Variants in ASIC2 observed in about 807,000 individuals in gnomAD.
ASIC2 encodes acid-sensing ion channel 2.
A neutral mutation model predicts 57.3 loss-of-function variants in ASIC2; 25 were observed. The observed-to-expected ratio is 0.44, with a 90% CI of 0.32 to 0.61. The LOEUF is 0.61. Among genes scored for constraint, ASIC2 ranks in the 20% least tolerant of loss-of-function variants. The pLI is 0.06. For synonymous variants in ASIC2, 319 were observed against 307.5 expected, an observed-to-expected ratio of 1.04 and a Z score of -0.39; for missense variants, 641 against 738.1, an observed-to-expected ratio of 0.87 and a Z score of 1.52.
At chr17:33,301,090 G>A (rs915802172) in intron 1 of ASIC2, among the ~76,000 whole-genome samples, 1 of 151,918 alleles carries the variant, frequency 6.6e-6, no homozygotes, top group African/African-American at 2.4e-5. Context: ...GTGCAGTGGT[G>A]GTGATCTCGA....
At chr17:33,337,883 T>C (rs1907578200) in intron 1 of ASIC2, among the ~76,000 whole-genome samples, 1 of 150,022 alleles carries the variant, frequency 6.7e-6, no homozygotes, top group African/African-American at 2.5e-5. Flanking sequence ...GCAAAGAAAG[T>C]GGAAGTGTTC....
At chr17:33,913,587 T>G (rs317336) in intron 1 of ASIC2, among the ~76,000 whole-genome samples, 137,472 of 152,154 alleles carry the variant, frequency 0.9, 62,220 homozygotes, top group East Asian at 0.95. Flanking sequence ...TACTGAATTA[T>G]ATCTCTAAAA....
intron 1 of ASIC2, among the ~76,000 whole-genome samples, chr17:33,573,533 GT>G (rs1567655166): frequency 6.6e-6 from 1 of 152,090 alleles, no homozygotes; most frequent in Non-Finnish European, 1.5e-5. Flanking sequence ...TTGGTTAACA[GT>G]TTTGTTTGCC....
At chr17:33,112,094 A>G in intron 1 of ASIC2, 27 bp from the exon 2 acceptor site, 2 of 1,598,350 alleles carry the variant, frequency 1.3e-6, no homozygotes, top group South Asian at 1.1e-5. Context: ...AGAGAGAGAG[A>G]GAAGCACATG....
chr17:33,787,665 A>G (rs1911647047), intron 1 of ASIC2, among the ~76,000 whole-genome samples: 1 of 152,168 alleles, frequency 6.6e-6, no homozygotes, highest in Non-Finnish European at 1.5e-5. Context: ...AACAGTGGCA[A>G]GGTTCACTGT....
At chr17:33,032,050 A>T (rs531547138) in intron 3 of ASIC2, among the ~76,000 whole-genome samples, 41 of 152,264 alleles carry the variant, frequency 2.7e-4, no homozygotes, top group African/African-American at 8.4e-4. Context: ...GTTGTATCTT[A>T]TCCTGTCTGA....
intron 1 of ASIC2, among the ~76,000 whole-genome samples, chr17:33,381,156 T>C (rs1909474948): frequency 6.6e-6 from 1 of 152,314 alleles, no homozygotes; most frequent in Non-Finnish European, 1.5e-5. Context: ...AGAACTCTTA[T>C]TCCATCTCCA....
intron 1 of ASIC2, among the ~76,000 whole-genome samples, chr17:33,831,780 A>T (rs932989345): frequency 1.3e-5 from 2 of 152,126 alleles, no homozygotes; most frequent in Admixed American, 6.5e-5. Flanking sequence ...AGTGCATGGC[A>T]CACTGTCAGG....
intron 1 of ASIC2, among the ~76,000 whole-genome samples, chr17:33,706,431 C>G (rs1908866221): frequency 6.6e-6 from 1 of 151,406 alleles, no homozygotes; most frequent in African/African-American, 2.4e-5. Flanking sequence ...ACGACGTTTT[C>G]CAGGCTGGTC....
At chr17:33,113,156 T>C (rs1270660860) in intron 1 of ASIC2, among the ~76,000 whole-genome samples, 2 of 152,308 alleles carry the variant, frequency 1.3e-5, no homozygotes, top group African/African-American at 4.8e-5. Flanking sequence ...GGGAAAGGAA[T>C]GCAGAGATCT....
chr17:34,090,149 T>C (rs996878773), intron 1 of ASIC2, among the ~76,000 whole-genome samples: 1 of 152,072 alleles, frequency 6.6e-6, no homozygotes, highest in African/African-American at 2.4e-5. Context: ...ACATTTTAGG[T>C]GGAGGGCTAG....
At chr17:33,148,954 C>T (rs368917481) in intron 1 of ASIC2, among the ~76,000 whole-genome samples, 1 of 151,964 alleles carries the variant, frequency 6.6e-6, no homozygotes, top group Non-Finnish European at 1.5e-5. Context: ...ATTAGCTGGG[C>T]ATGATGGCAG....
At chr17:33,412,993 T>G (rs954108180) in intron 1 of ASIC2, among the ~76,000 whole-genome samples, 2 of 152,184 alleles carry the variant, frequency 1.3e-5, no homozygotes, top group African/African-American at 4.8e-5. Context: ...CTCTGTGCTC[T>G]TACTTGTTCC....
chr17:33,585,850 A>ATG (rs1282978438), intron 1 of ASIC2, among the ~76,000 whole-genome samples: 5 of 152,208 alleles, frequency 3.3e-5, no homozygotes, highest in Non-Finnish European at 7.3e-5. Flanking sequence ...TATTACATAT[A>ATG]TGTCTTGAAA....
At chr17:33,511,530 C>T (rs1170605336) in intron 1 of ASIC2, among the ~76,000 whole-genome samples, 1 of 152,274 alleles carries the variant, frequency 6.6e-6, no homozygotes. Flanking sequence ...CTCCCTTTCA[C>T]TCATACTCTA....
At chr17:33,089,628 A>G (rs2092149799) in intron 2 of ASIC2, among the ~76,000 whole-genome samples, 1 of 152,234 alleles carries the variant, frequency 6.6e-6, no homozygotes, top group South Asian at 2.1e-4. Flanking sequence ...CTATAGAATG[A>G]GATTATAACA....
intron 1 of ASIC2, among the ~76,000 whole-genome samples, chr17:33,442,582 A>G (rs1911862532): frequency 6.6e-6 from 1 of 152,176 alleles, no homozygotes; most frequent in African/African-American, 2.4e-5. Flanking sequence ...TAGCATATAG[A>G]CATACAATTT....
At chr17:33,754,684 C>A (rs564151784) in intron 1 of ASIC2, among the ~76,000 whole-genome samples, 106 of 152,010 alleles carry the variant, frequency 7.0e-4, no homozygotes, top group African/African-American at 2.5e-3. Flanking sequence ...TAGGCTGGTG[C>A]GGTGGCTCAC....
chr17:34,007,028 T>C (rs772953269), intron 1 of ASIC2, among the ~76,000 whole-genome samples: 1 of 152,186 alleles, frequency 6.6e-6, no homozygotes, highest in Non-Finnish European at 1.5e-5. Context: ...CCATCCTGGT[T>C]TGACCATGCC....
Sources: gnomAD v4.1 joint callset for allele counts (sites outside exome capture counted in the v4.1 genomes callset) on GRCh38, gnomAD v4.1.1 for gene constraint, MANE v1.5 for transcripts, NCBI Gene and HGNC (gene_info 2026-07-23, HGNC 2026-07-21) for gene names.